The following MYH6 variants were observed in gnomAD, a reference collection of about 807,000 sequenced individuals.
MYH6 encodes myosin heavy chain 6.
A neutral mutation model predicts 223.2 loss-of-function variants in MYH6; 126 were observed. The observed-to-expected ratio is 0.56, with a 90% CI of 0.49 to 0.65. The LOEUF (loss-of-function observed/expected upper bound fraction) is 0.65. Ranked by LOEUF, MYH6 falls within the 30% of genes least tolerant of loss-of-function variation. The pLI is 0.00. For missense variants in MYH6, 2,040 were observed against 2,536.4 expected (o/e 0.80, Z 4.20); for synonymous variants, 978 against 1,010.2 (o/e 0.97, Z 0.61).
In MYH6 at chr14:23,382,494, C is replaced by T. The variant is rs749763001; in HGVS notation, c.5730G>A (p.Glu1910=). 8.1e-6 allele frequency: 13 copies of T among 1,614,090 alleles called. No homozygotes were observed. In the African/African-American group the frequency reaches 1.5e-4, roughly 18 times the overall value. The change falls in exon 38 of 39, where the codon GAG becomes GAA. Residue 1910 remains glutamate, a synonymous_variant. Transcript: ENST00000405093. ...CCTGGGACTCAGCGATGTCCGCCCG[C>T]TCCTCTGCCTCATCCAGCTCATGCT... is the stretch of plus-strand genomic sequence containing the variant. ...KVQHELDEAE[E]RADIAESQVN...
In MYH6 at chr14:23,407,378, C is replaced by G; in HGVS notation, c.-13-142G>C. ...GCACCTGCTGTTGCACCCTCCCCTA[C>G]TCAGGGCTCTGCTTCTCCTGCCCTC... On this transcript the variant is annotated intron_variant, in intron 2 of 38. Coordinates refer to ENST00000405093, the MANE Select transcript of MYH6 (RefSeq NM_002471.4). The surrounding 1 kb of genome is among the most constrained non-coding windows in gnomAD (Gnocchi z 5.6). 1 of 1,130,044 alleles carries G rather than the reference C, an allele frequency of 8.8e-7. No individual in the cohort carries two copies. The highest frequency in any genetic ancestry group is 1.3e-6 in the Non-Finnish European group (1 of 786,856). 70.0% of individuals were successfully genotyped at this position (1,130,044 alleles called of 1,614,324 possible).
At chr14:23,397,961 C>CTTCTTCTTT (rs1891470127) in intron 15 of MYH6, among the ~76,000 whole-genome samples, 3 of 120,888 alleles carry the variant, frequency 2.5e-5, no homozygotes, top group Non-Finnish European at 3.4e-5. Flanking sequence ...TCTTCTTCTT[C>CTTCTTCTTT]TTCTTCTTCT....
intron 12 of MYH6, among the ~76,000 whole-genome samples, chr14:23,401,945 G>A (rs1891615816): frequency 6.6e-6 from 1 of 152,194 alleles, no homozygotes; most frequent in South Asian, 2.1e-4. Flanking sequence ...AGGTAGGGAG[G>A]AATGTTCTTG....
chr14:23,397,545 G>T lies in MYH6; in HGVS notation c.1960C>A (p.Arg654=), dbSNP rs369938365. ...SSFQTVSALH[R]ENLNKLMTNL... ...TGGCACCCCTGGGCCCTTCTTACCC[G>T]GTGGAGAGCCGACACCGTCTGGAAG... The change falls in exon 16 of 39, where the codon CGG becomes AGG. Residue 654 remains arginine, a splice_region_variant and synonymous_variant. Coordinates refer to ENST00000405093, the MANE Select transcript of MYH6 (RefSeq NM_002471.4). 155 of 1,614,040 alleles carry T rather than the reference G, an allele frequency of 9.6e-5. No homozygotes were observed. Among genetic ancestry groups the T allele is most frequent in the Non-Finnish European group, 1.3e-4 (154 of 1,180,030 alleles).
At chr14:23,393,166 A>G in intron 23 of MYH6, 109 bp from the exon 24 acceptor site, 1 of 1,522,504 alleles carries the variant, frequency 6.6e-7, no homozygotes, top group Admixed American at 1.8e-5. Context: ...AGTCAAACCA[A>G]CAGAGAAATC....
At position 23,397,946 on chromosome 14, in the gene MYH6, C is replaced by CTTCTTCTTT. The variant is rs1566512383; in HGVS notation, c.1892-334_1892-333insAAAGAAGAA. ...TCCTCCTCCTCCTCTTCTTCTTCTT[C>CTTCTTCTTT]TTCTTCTTCTTCTTCTTCTTCTTCT... is the stretch of plus-strand genomic sequence containing the variant. On this transcript the variant is annotated intron_variant, in intron 15 of 38. Transcript: ENST00000405093. Among the ~76,000 whole-genome samples the CTTCTTCTTT allele has an allele frequency of 7.7e-3, 521 of 67,430 alleles. 18 individuals are homozygous for CTTCTTCTTT. Among genetic ancestry groups the CTTCTTCTTT allele is most frequent in the Middle Eastern group, 0.044 (7 of 160 alleles). 44.2% of individuals were successfully genotyped at this position (67,430 alleles called of 152,430 possible).
At chr14:23,404,598 C>T (rs1891718728) in intron 7 of MYH6, 113 bp downstream of exon 7, 2 of 1,172,840 alleles carry the variant, frequency 1.7e-6, no homozygotes, top group Non-Finnish European at 2.5e-6. Flanking sequence ...CCATCGGGAG[C>T]CCAGCTCAGT....
chr14:23,407,254 G>C lies in MYH6; in HGVS notation c.-13-18C>G. The C allele has an allele frequency of 6.2e-7, 1 of 1,613,742 alleles. No individual in the cohort carries two copies. The highest frequency in any genetic ancestry group is 8.5e-7 in the Non-Finnish European group (1 of 1,179,882). On this transcript the variant is annotated intron_variant, in intron 2 of 38. Coordinates refer to ENST00000405093, the MANE Select transcript of MYH6 (RefSeq NM_002471.4). This position sits in a 1 kb window ranked among gnomAD's most constrained non-coding sequence, Gnocchi z 5.6. The stretch of plus-strand genomic sequence containing the variant: ...TGCTTCCCCTGGGTCAGAGACAGGA[G>C]GGCTATGTTACTCCTGAGGGAGCCC...
Position 23,394,156 on chromosome 14 carries a change from T to A in MYH6, c.2597A>T (p.Glu866Val). The change falls in exon 21 of 39, where the codon GAG becomes GTG. Residue 866 changes from glutamate to valine, a missense_variant. Around this residue, in one of 4 missense-constraint regions of MYH6, gnomAD observed 1,203 missense variants for 1,400.2 expected, o/e 0.86. Coordinates refer to ENST00000405093, the MANE Select transcript of MYH6 (RefSeq NM_002471.4). ...EEFGRIKETL[E>V]KSEARRKELE... ...CTCCTTGCGGCGAGCCTCGGACTTC[T>A]CCAGCGTCTCTTTGATGCGCCCGAA... 3.7e-6 allele frequency: 6 copies of A among 1,614,222 alleles called. No homozygotes were observed. The highest frequency in any genetic ancestry group is 5.1e-6 in the Non-Finnish European group (6 of 1,180,038).
intron 29 of MYH6, chr14:23,388,616 C>T (rs372515832): frequency 3.5e-6 from 3 of 857,320 alleles, no homozygotes; most frequent in Non-Finnish European, 6.1e-6. Context: ...GCTTTTTGCT[C>T]GTCTTATACG....
At position 23,407,401 on chromosome 14, in the gene MYH6, C is replaced by T. The variant is rs1392466516; in HGVS notation, c.-13-165G>A. 6.6e-6 allele frequency among the ~76,000 whole-genome samples: 1 copy of T among 152,220 alleles called. No individual in the cohort carries two copies. Among genetic ancestry groups the T allele is most frequent in the Non-Finnish European group, 1.5e-5 (1 of 68,040 alleles). ...TACTCAGGGCTCTGCTTCTCCTGCCCTCTGAGGTGATGCTGAAGGACAATC... is the reference window on the plus strand; with the variant it reads ...TACTCAGGGCTCTGCTTCTCCTGCCTTCTGAGGTGATGCTGAAGGACAATC... On this transcript the variant is annotated intron_variant, in intron 2 of 38. Transcript: ENST00000405093. This position sits in a 1 kb window ranked among gnomAD's most constrained non-coding sequence, Gnocchi z 5.6.
At chr14:23,385,794 G>T in intron 34 of MYH6, 134 bp downstream of exon 34, 1 of 1,259,130 alleles carries the variant, frequency 7.9e-7, no homozygotes, top group Non-Finnish European at 1.1e-6. Context: ...AGCCACCACA[G>T]ATGAGAGTTG....
In MYH6 at chr14:23,402,532, A is replaced by G; in HGVS notation, c.1073T>C (p.Met358Thr). ...CTTGAACTTCATGTTCCCGTAGTGC[A>G]TGATGGCTCCCGTCAGCTTGTAGAC... ...AGVYKLTGAI[M>T]HYGNMKFKQK... Residue 358 changes from methionine (M) to threonine (T), a missense_variant, in exon 12 of 39, where the codon ATG (methionine) becomes ACG (threonine). Around this residue, in one of 4 missense-constraint regions of MYH6, gnomAD observed 649 missense variants for 877.3 expected, o/e 0.74. Transcript: ENST00000405093. The G allele has an allele frequency of 1.2e-6, 2 of 1,613,722 alleles. No individual in the cohort carries two copies. Among genetic ancestry groups the G allele is most frequent in the Non-Finnish European group, 1.7e-6 (2 of 1,179,940 alleles).
intron 29 of MYH6, 61 bp downstream of exon 29, chr14:23,388,798 C>T: frequency 1.2e-6 from 2 of 1,613,240 alleles, no homozygotes; most frequent in South Asian, 1.1e-5. Context: ...CCTGTCCCCA[C>T]CCCAGGTCCT....
intron 32 of MYH6, among the ~76,000 whole-genome samples, chr14:23,387,060 G>A (rs1275703479): frequency 1.3e-5 from 2 of 152,176 alleles, no homozygotes; most frequent in Non-Finnish European, 2.9e-5. Context: ...TATATTAAGT[G>A]CTTAAATGTG....
intron 36 of MYH6, among the ~76,000 whole-genome samples, chr14:23,383,872 T>G (rs1330978664): frequency 7.2e-5 from 11 of 152,192 alleles, no homozygotes; most frequent in Non-Finnish European, 1.6e-4. Flanking sequence ...CACAAATCAC[T>G]CTGTGGTTCT....
At chr14:23,402,872 GAAA>G in intron 10 of MYH6, 72 bp from the exon 11 acceptor site, 1 of 510,978 alleles carries the variant, frequency 2.0e-6, no homozygotes, top group Non-Finnish European at 3.6e-6. Flanking sequence ...GTAGAGTTGG[GAAA>G]GGGAGGGAGG....
Position 23,392,959 on chromosome 14 carries a change from G to A in MYH6, c.3204C>T (p.Ile1068=). The change falls in exon 24 of 39, where the codon ATC becomes ATT. Residue 1068 remains isoleucine (I), a synonymous_variant. Transcript: ENST00000405093. ...EGDLKLTQES[I]MDLENDKLQL... ...GCAGTTTATCATTTTCCAGGTCCATGATGCTCTCCTGGGTCAGCTTCAGGT... is the reference window on the plus strand; with the variant it reads ...GCAGTTTATCATTTTCCAGGTCCATAATGCTCTCCTGGGTCAGCTTCAGGT... 6.2e-7 allele frequency: 1 copy of A among 1,614,180 alleles called. No individual in the cohort carries two copies. Among genetic ancestry groups the A allele is most frequent in the East Asian group, 2.2e-5 (1 of 44,884 alleles).
chr14:23,404,503 G>T, intron 7 of MYH6, 115 bp from the exon 8 acceptor site: 2 of 1,291,114 alleles, frequency 1.5e-6, no homozygotes, highest in South Asian at 2.4e-5. Flanking sequence ...TGGGTGAACC[G>T]CTAGTGGGTC....
Sources: allele counts gnomAD v4.1 joint callset (sites outside exome capture counted in the v4.1 genomes callset), GRCh38; gene constraint gnomAD v4.1.1; regional missense constraint gnomAD v4.1.1; non-coding constraint Gnocchi (gnomAD v3.1); transcripts MANE v1.5; gene names NCBI Gene and HGNC (gene_info 2026-07-23, HGNC 2026-07-21).